INSL6: variants seen among roughly 807,000 people sequenced by gnomAD.
INSL6 encodes the protein insulin like 6, also known as insulin-like peptide INSL6.
A neutral mutation model predicts 9.4 loss-of-function variants in INSL6; 16 were observed. The observed-to-expected ratio is 1.70, with a 90% CI of 1.15 to 2.59. The LOEUF is 2.59. INSL6 is among the 30% of genes most tolerant of loss of function. The probability of loss-of-function intolerance (pLI) is 0.00; values close to 1 mark genes in which losing one functional copy is unlikely to be tolerated. For synonymous variants in INSL6, 154 were observed against 96.9 expected (o/e 1.59, Z -3.46); for missense variants, 391 against 257.3 (o/e 1.52, Z -3.56).
At chr9:5,136,976 A>G (rs906527760) in intron 2 of INSL6, among the ~76,000 whole-genome samples, 1 of 152,166 alleles carries the variant, frequency 6.6e-6, no homozygotes, top group African/African-American at 2.4e-5. Flanking sequence ...ATACACCAAT[A>G]ACAGACAAAC....
chr9:5,035,155 C>T, the INSL6 span, among the ~76,000 whole-genome samples: 2 of 152,172 alleles, frequency 1.3e-5, no homozygotes, highest in African/African-American at 4.8e-5. Context: ...AATTCCTGGA[C>T]ACATACACCC....
At chr9:5,036,978 A>G in the INSL6 span, among the ~76,000 whole-genome samples, 2 of 152,250 alleles carry the variant, frequency 1.3e-5, no homozygotes, top group African/African-American at 4.8e-5. Flanking sequence ...TAAAGGGCTA[A>G]TATCCAGAAT....
the INSL6 span, among the ~76,000 whole-genome samples, chr9:5,013,075 A>T: frequency 6.6e-6 from 1 of 152,258 alleles, no homozygotes; most frequent in Non-Finnish European, 1.5e-5. Flanking sequence ...AAAAAAGAGA[A>T]GAATAAAGGT....
chr9:5,118,377 G>T, the INSL6 span, among the ~76,000 whole-genome samples: 2 of 151,994 alleles, frequency 1.3e-5, no homozygotes, highest in African/African-American at 4.8e-5. Context: ...TTGTAACCAA[G>T]ATATGTATAT....
chr9:5,165,083 C>T (rs531915796), intron 1 of INSL6, among the ~76,000 whole-genome samples: 114 of 152,226 alleles, frequency 7.5e-4, no homozygotes, highest in African/African-American at 2.5e-3. Context: ...TGGTGGTGCA[C>T]GCCTGTAATA....
the INSL6 span, chr9:5,114,306 C>T: frequency 2.9e-5 from 16 of 542,832 alleles, no homozygotes; most frequent in South Asian, 2.6e-4. Flanking sequence ...GACTTGGTCC[C>T]AGGCCAGTGG....
At chr9:5,027,076 T>C in the INSL6 span, among the ~76,000 whole-genome samples, 2 of 152,236 alleles carry the variant, frequency 1.3e-5, no homozygotes, top group Non-Finnish European at 2.9e-5. Context: ...ATTTTTATTA[T>C]ACCTCCAGTT....
the INSL6 span, chr9:5,108,032 T>C: frequency 6.6e-6 from 1 of 152,118 alleles, no homozygotes; most frequent in Non-Finnish European, 1.5e-5. Context: ...ATCAGCCTCA[T>C]CACCCTATTG....
intron 2 of INSL6, among the ~76,000 whole-genome samples, chr9:5,150,488 G>C (rs1301610998): frequency 6.6e-6 from 1 of 152,070 alleles, no homozygotes; most frequent in Non-Finnish European, 1.5e-5. Flanking sequence ...CAACATCACT[G>C]ATGTTCAGAG....
Position 5,164,165 on chromosome 9 carries a change from T to C in INSL6, c.390A>G (p.Glu130=), listed in dbSNP as rs1363881275. 1 of 1,607,222 alleles carries C rather than the reference T, an allele frequency of 6.2e-7. No homozygotes were observed. The highest frequency in any genetic ancestry group is 1.3e-5 in the African/African-American group (1 of 74,482). The change falls in exon 2 of 2, where the codon GAA becomes GAG. Residue 130 remains glutamate (E), a synonymous_variant. Transcript: ENST00000381641. ...KGYSPLGKTR[E]FSSSHNINVY... is the part of the protein sequence containing the mutation. ...CATTGATATTATGTGATGAAGAAAA[T>C]TCTCTTGTCTTACCAAGGGGTGAAT...
At chr9:5,123,121 G>T (rs374744702), downstream of INSL6, 2 of 1,562,112 alleles carry the variant, frequency 1.3e-6, no homozygotes, top group South Asian at 2.3e-5. Flanking sequence ...GTCCACCAGC[G>T]GTCAGTGTGC....
At position 5,172,991 on chromosome 9, in the gene INSL6, T is replaced by C. The variant is rs151262675; in HGVS notation, c.290-8726A>G. On this transcript the variant is annotated intron_variant, in intron 1 of 1. Coordinates refer to ENST00000381641, the MANE Select transcript of INSL6 (RefSeq NM_007179.3). ...GACATTTCTTAAAAGAAGGCATTCA[T>C]GCAGCCAACAGACATTTGAAAAAAA... 4.1e-3 allele frequency among the ~76,000 whole-genome samples: 617 copies of C among 151,418 alleles called. 3 individuals are homozygous for C. Among genetic ancestry groups the C allele is most frequent in the African/African-American group, 0.014 (592 of 41,340 alleles).
In INSL6 at chr9:5,177,451, C is replaced by T. The variant is rs545517549; in HGVS notation, c.289+7863G>A. On this transcript the variant is annotated intron_variant, in intron 1 of 1. Coordinates refer to ENST00000381641, the MANE Select transcript of INSL6 (RefSeq NM_007179.3). ...CATTGTGAGCCCATGCCACTAGGGC[C>T]TTGGGTTCGACACACAGAGCTGTGT... is the stretch of plus-strand genomic sequence containing the variant. Among the ~76,000 whole-genome samples, 5 of 152,280 alleles carry T rather than the reference C, an allele frequency of 3.3e-5. 1 individual carries two copies. The South Asian group carries it at 1.0e-3, about 32-fold the overall frequency.
chr9:5,038,278 C>A, the INSL6 span, among the ~76,000 whole-genome samples: 1 of 152,068 alleles, frequency 6.6e-6, no homozygotes, highest in Non-Finnish European at 1.5e-5. Flanking sequence ...AGGTCTATGA[C>A]AAATAAAGAA....
At chr9:5,126,983 C>T in intron 3 of INSL6, 1 of 338,874 alleles carries the variant, frequency 3.0e-6, no homozygotes. Context: ...CAGTAAAAGA[C>T]ATTAATGAGA....
chr9:5,042,080 C>T, the INSL6 span: 3 of 220,372 alleles, frequency 1.4e-5, no homozygotes, highest in African/African-American at 2.4e-5. Flanking sequence ...GCCCCATCCC[C>T]GGGACGAGGG....
chr9:5,086,872 G>A, the INSL6 span, among the ~76,000 whole-genome samples: 18 of 152,084 alleles, frequency 1.2e-4, no homozygotes, highest in Admixed American at 9.8e-4. Context: ...TGTATCAAGC[G>A]CGTTTAAATG....
the INSL6 span, chr9:5,090,918 A>G: frequency 6.5e-7 from 1 of 1,545,038 alleles, no homozygotes; most frequent in Admixed American, 2.1e-5. Flanking sequence ...TCTGGTGAGT[A>G]TATTTCAGTA....
At chr9:5,018,552 T>C in the INSL6 span, among the ~76,000 whole-genome samples, 1 of 152,140 alleles carries the variant, frequency 6.6e-6, no homozygotes, top group South Asian at 2.1e-4. Flanking sequence ...TTGTCCAGGC[T>C]GCTCTTGAAC....
Sources: gnomAD v4.1 joint callset for allele counts (sites outside exome capture counted in the v4.1 genomes callset) on GRCh38, gnomAD v4.1.1 for gene constraint, MANE v1.5 for transcripts, NCBI Gene and HGNC (gene_info 2026-07-23, HGNC 2026-07-21) for gene names.